PSTPIP1: variants seen among roughly 807,000 people sequenced by gnomAD.
PSTPIP1 encodes the protein proline-serine-threonine phosphatase interacting protein 1.
PSTPIP1 carries 66 observed loss-of-function variants against 69.6 expected under a neutral mutation model. The ratio of observed to expected loss-of-function variants is 0.95; its 90% CI spans 0.78 to 1.16. The LOEUF (loss-of-function observed/expected upper bound fraction) is 1.16, where lower values mean the gene tolerates loss of function less well. Among genes scored for constraint, PSTPIP1 ranks in the 50% most tolerant of loss-of-function variants. PSTPIP1 has a pLI of 0.00. For missense variants in PSTPIP1, 603 were observed against 557.4 expected, an observed-to-expected ratio of 1.08 and a Z score of -0.82; for synonymous variants, 266 against 222.7, an observed-to-expected ratio of 1.19 and a Z score of -1.73.
Position 77,035,542 on chromosome 15 carries a change from A to G in PSTPIP1, c.964A>G (p.Thr322Ala). ...SGLLHGSPKT[T>A]SLAASAASTE... is the part of the protein sequence containing the mutation. ...ACTGCTGCACGGAAGTCCCAAGACC[A>G]CTTCGTTGGCAGCTTCTGCTGGTAA... is the stretch of plus-strand genomic sequence containing the variant. Residue 322 changes from threonine to alanine, a missense_variant, in exon 13 of 15, where the codon ACT becomes GCT. Thr to Ala is a moderately conservative substitution (Grantham distance 58). Transcript: ENST00000558012. 1 of 1,589,616 alleles carries G rather than the reference A, an allele frequency of 6.3e-7. No homozygotes were observed. Among genetic ancestry groups the G allele is most frequent in the Non-Finnish European group, 8.6e-7 (1 of 1,168,548 alleles).
chr15:77,015,723 C>T, intron 1 of PSTPIP1: 1 of 351,722 alleles, frequency 2.8e-6, no homozygotes, highest in South Asian at 2.1e-5. Flanking sequence ...GAGGAAGTGG[C>T]AGGGGTGGGG....
At chr15:77,021,223 G>A (rs1237699371) in intron 3 of PSTPIP1, among the ~76,000 whole-genome samples, 1 of 152,214 alleles carries the variant, frequency 6.6e-6, no homozygotes, top group Non-Finnish European at 1.5e-5. Context: ...CTCAGGCCTG[G>A]AGGCTCGGGC....
In PSTPIP1 at chr15:77,007,470, G is replaced by A. The variant is rs541689842; in HGVS notation, c.37-10678G>A. Among the ~76,000 whole-genome samples, 88 of 152,194 alleles carry A rather than the reference G, an allele frequency of 5.8e-4. 2 individuals are homozygous for A. Among genetic ancestry groups the A allele is most frequent in the African/African-American group, 1.1e-3 (45 of 41,536 alleles). On this transcript the variant is annotated intron_variant, in intron 1 of 14. Coordinates refer to ENST00000558012, the MANE Select transcript of PSTPIP1 (RefSeq NM_003978.5). ...AAAAAATACAAAAATTAGCTGGGGC[G>A]TGGTGGTGCACACCTGTGGTCCCAG...
At chr15:77,030,602 C>G (rs759881816) in intron 9 of PSTPIP1, 21 bp downstream of exon 9, 2 of 1,579,580 alleles carry the variant, frequency 1.3e-6, no homozygotes, top group Non-Finnish European at 1.7e-6. Flanking sequence ...CACGTGGAGC[C>G]TCGTTTTCCC....
intron 1 of PSTPIP1, among the ~76,000 whole-genome samples, chr15:77,015,590 T>C (rs2152676854): frequency 6.6e-6 from 1 of 152,314 alleles, no homozygotes; most frequent in South Asian, 2.1e-4. Flanking sequence ...ATGCTGATGC[T>C]GGGTCTTGGG....
chr15:77,016,041 G>C, intron 1 of PSTPIP1: 2 of 456,320 alleles, frequency 4.4e-6, no homozygotes, highest in Non-Finnish European at 8.8e-6. Flanking sequence ...CCTCCATAAG[G>C]ACAGGAGAAG....
At chr15:77,008,271 C>T (rs2075860803) in intron 1 of PSTPIP1, among the ~76,000 whole-genome samples, 1 of 152,100 alleles carries the variant, frequency 6.6e-6, no homozygotes, top group Non-Finnish European at 1.5e-5. Flanking sequence ...GGTGCCAGGA[C>T]CAAGGGAAGA....
At chr15:77,032,717 G>C (rs752402033) in intron 11 of PSTPIP1, 145 bp from the exon 12 acceptor site, 43 of 684,870 alleles carry the variant, frequency 6.3e-5, no homozygotes, top group Non-Finnish European at 9.7e-5. Flanking sequence ...CTACGGTGGG[G>C]TCTCTCATGG....
chr15:76,995,013 G>A (rs1351689613), upstream of PSTPIP1: 22 of 1,187,574 alleles, frequency 1.9e-5, no homozygotes, highest in Non-Finnish European at 2.4e-5. Flanking sequence ...TCGGGAGGGG[G>A]CAAGCAGAGG....
rs781516273 is a variant in PSTPIP1 at position 77,028,596 on chromosome 15, G to A, written c.460G>A (p.Ala154Thr). Residue 154 changes from alanine (A) to threonine (T), a missense_variant, in exon 7 of 15, where the codon GCG (alanine) becomes ACG (threonine). Coordinates refer to ENST00000558012, the MANE Select transcript of PSTPIP1 (RefSeq NM_003978.5). ...YEQKCRDADD[A>T]EQAFERISAN... Reference sequence around the variant, plus strand: ...GCAGAAGTGCCGGGACGCGGACGACGCGGAGCAGGCCTTCGAGCGCATTAG... The same window carrying A: ...GCAGAAGTGCCGGGACGCGGACGACACGGAGCAGGCCTTCGAGCGCATTAG... 1.9e-6 allele frequency: 3 copies of A among 1,603,036 alleles called. No homozygotes were observed. Among genetic ancestry groups the A allele is most frequent in the Non-Finnish European group, 2.6e-6 (3 of 1,175,576 alleles).
chr15:76,998,764 GT>G (rs1314110253), intron 1 of PSTPIP1, among the ~76,000 whole-genome samples: 2 of 152,184 alleles, frequency 1.3e-5, no homozygotes, highest in East Asian at 1.9e-4. Context: ...CAGTCGGCCT[GT>G]TTTTGCAATT....
chr15:77,036,040 T>G, intron 14 of PSTPIP1, 105 bp downstream of exon 14: 1 of 1,388,148 alleles, frequency 7.2e-7, no homozygotes, highest in East Asian at 2.5e-5. Context: ...ATGGTTTCAC[T>G]CATCTTCGAG....
At chr15:77,015,277 T>C (rs558898543) in intron 1 of PSTPIP1, among the ~76,000 whole-genome samples, 8 of 152,202 alleles carry the variant, frequency 5.3e-5, no homozygotes, top group Non-Finnish European at 8.8e-5. Flanking sequence ...GTATATGGCT[T>C]TGGGGACAGG....
rs758390838 is a variant in PSTPIP1, at chr15:77,035,584, A to AC, written c.985+26dup. ...TGCTGGTAAAGGGGGTCAGGAGGGGACCCCCAAACACACTGATCCTGGGGG... is the reference window on the plus strand; with the variant it reads ...TGCTGGTAAAGGGGGTCAGGAGGGGACCCCCCAAACACACTGATCCTGGGGG... On this transcript the variant is annotated intron_variant, in intron 13 of 14. Transcript: ENST00000558012. The AC allele has an allele frequency of 1.9e-4, 302 of 1,563,992 alleles. 1 individual carries two copies. Among genetic ancestry groups the AC allele is most frequent in the Non-Finnish European group, 2.6e-4 (296 of 1,154,800 alleles).
chr15:77,015,734 G>A (rs1474918937), intron 1 of PSTPIP1: 2 of 357,652 alleles, frequency 5.6e-6, no homozygotes, highest in Non-Finnish European at 1.1e-5. Context: ...AGGGGTGGGG[G>A]TGAAGGAGGA....
intron 14 of PSTPIP1, 149 bp downstream of exon 14, chr15:77,036,084 G>C (rs908794039): frequency 1.4e-5 from 16 of 1,114,098 alleles, no homozygotes; most frequent in Non-Finnish European, 1.9e-5. Context: ...ACGTGTGCCC[G>C]AGTGTGTCCA....
intron 9 of PSTPIP1, 22 bp downstream of exon 9, chr15:77,030,603 T>C (rs892888885): frequency 1.3e-5 from 20 of 1,578,720 alleles, no homozygotes; most frequent in Non-Finnish European, 1.6e-5. Flanking sequence ...ACGTGGAGCC[T>C]CGTTTTCCCC....
chr15:77,018,248 G>T lies in PSTPIP1; in HGVS notation c.137G>T (p.Arg46Met). Residue 46 changes from arginine (R) to methionine (M), a missense_variant and splice_region_variant, in exon 2 of 15, where the codon AGG becomes ATG. Transcript: ENST00000558012. ...GACATGGAGGAGCTACTGAGGCAGA[G>T]GTGAGCTGCTGGGCAGGCCATGGGG... is the stretch of plus-strand genomic sequence containing the variant. ...CKDMEELLRQRAQAEERYGKE... is the reference protein window; with the variant it reads ...CKDMEELLRQMAQAEERYGKE... The T allele has an allele frequency of 6.4e-7, 1 of 1,574,046 alleles. No individual in the cohort carries two copies. Among genetic ancestry groups the T allele is most frequent in the Non-Finnish European group, 8.6e-7 (1 of 1,160,806 alleles).
rs143326445 is a variant in PSTPIP1 at position 77,032,740 on chromosome 15, C to T, written c.839-122C>T. 474 of 798,672 alleles carry T rather than the reference C, an allele frequency of 5.9e-4. No homozygotes were observed. The Middle Eastern group carries it at 6.7e-3, about 11-fold the overall frequency. 49.5% of individuals were successfully genotyped at this position (798,672 alleles called of 1,614,324 possible). A position where few individuals can be genotyped will look rare whatever the true frequency, so the allele number is the denominator to read the frequency against. ...GGGTCTCTCATGGGAGCAAGACAGG[C>T]ACCTCCTCAGGCACCAGGATGGGCC... On this transcript the variant is annotated intron_variant, in intron 11 of 14. Transcript: ENST00000558012.
Sources: allele counts gnomAD v4.1 joint callset (sites outside exome capture counted in the v4.1 genomes callset), GRCh38; gene constraint gnomAD v4.1.1; transcripts MANE v1.5; gene names NCBI Gene and HGNC (gene_info 2026-07-23, HGNC 2026-07-21).